KCMF1: variants seen among roughly 807,000 people sequenced by gnomAD.
KCMF1 encodes potassium channel modulatory factor 1.
Under a neutral mutation model 41.1 loss-of-function variants are expected in KCMF1, and 3 were observed. The observed-to-expected ratio is 0.07, with a 90% CI of 0.03 to 0.19. KCMF1 has a LOEUF of 0.19. Ranked by LOEUF, KCMF1 falls within the 10% of genes least tolerant of loss-of-function variation. The probability of loss-of-function intolerance (pLI) is 1.00; values close to 1 mark genes in which losing one functional copy is unlikely to be tolerated. For synonymous variants in KCMF1, 142 were observed against 164.5 expected (o/e 0.86, Z 1.04); for missense variants, 286 against 488.9 (o/e 0.58, Z 3.91).
intron 1 of KCMF1, among the ~76,000 whole-genome samples, chr2:85,014,627 A>T (rs1471847416): frequency 6.6e-6 from 1 of 150,908 alleles, no homozygotes; most frequent in Non-Finnish European, 1.5e-5. Flanking sequence ...GAATTTTCAA[A>T]ACAGAGCAGT....
At chr2:84,980,036 T>A (rs561582249) in intron 1 of KCMF1, among the ~76,000 whole-genome samples, 1 of 151,916 alleles carries the variant, frequency 6.6e-6, no homozygotes, top group Non-Finnish European at 1.5e-5. Flanking sequence ...TTTCTCCATG[T>A]TGGTCAGGCT....
chr2:85,032,119 A>C (rs998964075), intron 2 of KCMF1, among the ~76,000 whole-genome samples: 1 of 151,886 alleles, frequency 6.6e-6, no homozygotes, highest in Non-Finnish European at 1.5e-5. Flanking sequence ...CTCATATCCT[A>C]CAGTGTTACT....
intron 2 of KCMF1, among the ~76,000 whole-genome samples, chr2:85,029,179 C>T (rs904136644): frequency 2.8e-5 from 4 of 144,852 alleles, no homozygotes; most frequent in African/African-American, 1.1e-4. Flanking sequence ...ACTATGTTGG[C>T]CAGGCTGGTC....
At position 85,046,179 on chromosome 2, in the gene KCMF1, A is replaced by C; in HGVS notation, c.502A>C (p.Arg168=). The part of the protein sequence containing the change: ...GRGLGGPRAR[R]SNMHFTSSST... ...GGGATTAGGAGGTCCTCGTGCTCGT[A>C]GATCAAACATGCACTTTACTAGCAG... The change falls in exon 5 of 7, where the codon AGA becomes CGA. Residue 168 remains arginine (R), a synonymous_variant. Coordinates refer to ENST00000409785, the MANE Select transcript of KCMF1 (RefSeq NM_020122.5). 1 of 1,613,474 alleles carries C rather than the reference A, an allele frequency of 6.2e-7. No homozygotes were observed. The highest frequency in any genetic ancestry group is 8.5e-7 in the Non-Finnish European group (1 of 1,179,588).
intron 1 of KCMF1, among the ~76,000 whole-genome samples, chr2:85,023,410 C>T (rs1675001626): frequency 6.6e-6 from 1 of 151,424 alleles, no homozygotes; most frequent in Admixed American, 6.6e-5. Flanking sequence ...GCTCCGCCTC[C>T]TGGGTTCACG....
At chr2:84,995,436 A>C (rs1305370630) in intron 1 of KCMF1, among the ~76,000 whole-genome samples, 1 of 152,154 alleles carries the variant, frequency 6.6e-6, no homozygotes, top group Non-Finnish European at 1.5e-5. Flanking sequence ...TAGGTGCCGA[A>C]TATGTTTTTA....
chr2:85,017,086 G>A (rs1401188920), intron 1 of KCMF1, among the ~76,000 whole-genome samples: 2 of 145,280 alleles, frequency 1.4e-5, no homozygotes, highest in Non-Finnish European at 3.0e-5. Flanking sequence ...CTGCAGTGGC[G>A]CAATCTCGGC....
intron 1 of KCMF1, among the ~76,000 whole-genome samples, chr2:85,008,256 TATATATC>T (rs1319273785): frequency 4.1e-4 from 39 of 94,214 alleles, no homozygotes; most frequent in African/African-American, 9.9e-4. Context: ...TGATATATAT[TATATATC>T]ATATATAATA....
At chr2:85,036,294 A>G (rs1023768847) in intron 3 of KCMF1, among the ~76,000 whole-genome samples, 1 of 152,152 alleles carries the variant, frequency 6.6e-6, no homozygotes, top group Non-Finnish European at 1.5e-5. Flanking sequence ...TTTTATTACT[A>G]TTCTTAGTTT....
chr2:85,008,370 C>CATATATAATAT (rs1491352581), intron 1 of KCMF1, among the ~76,000 whole-genome samples: 6 of 8,464 alleles, frequency 7.1e-4, no homozygotes, highest in African/African-American at 1.2e-3. Flanking sequence ...TATTATATAT[C>CATATATAATAT]ATATGATATA....
At chr2:85,052,643 T>G (rs1558589081) in intron 6 of KCMF1, among the ~76,000 whole-genome samples, 2 of 152,210 alleles carry the variant, frequency 1.3e-5, no homozygotes, top group Non-Finnish European at 2.9e-5. Context: ...GTATGTGTTT[T>G]CTTGCCCTTT....
intron 1 of KCMF1, among the ~76,000 whole-genome samples, chr2:85,015,059 T>C (rs1674737947): frequency 6.7e-6 from 1 of 149,894 alleles, no homozygotes; most frequent in Non-Finnish European, 1.5e-5. Flanking sequence ...GTAATTCTTC[T>C]GTCAAGAAGT....
At chr2:84,978,198 T>C (rs190824320) in intron 1 of KCMF1, among the ~76,000 whole-genome samples, 48 of 152,140 alleles carry the variant, frequency 3.2e-4, no homozygotes, top group Admixed American at 1.2e-3. Context: ...GGTTTCTCCA[T>C]GTTAGTCAGG....
chr2:84,987,417 G>A (rs951951840), intron 1 of KCMF1, among the ~76,000 whole-genome samples: 3 of 152,158 alleles, frequency 2.0e-5, no homozygotes, highest in African/African-American at 4.8e-5. Context: ...TTAGTCAATC[G>A]TCACAGGAAC....
At position 85,057,595 on chromosome 2, in the gene KCMF1, TA is replaced by T. The variant is rs1257683500; in HGVS notation, c.*4191del. On this transcript the variant is annotated 3_prime_UTR_variant, in exon 7 of 7. Transcript: ENST00000409785. ...CAAGTGACTGTTTTTCTGAATAGTATAAAAATCTAATTCCCTGTGCTTATCG... is the reference window on the plus strand; with the variant it reads ...CAAGTGACTGTTTTTCTGAATAGTATAAAATCTAATTCCCTGTGCTTATCG... 3 of 152,236 alleles carry T rather than the reference TA, an allele frequency of 2.0e-5. No individual in the cohort carries two copies. The highest frequency in any genetic ancestry group is 7.2e-5 in the African/African-American group (3 of 41,452). The allele number at this position is 152,236 out of a possible 1,614,324, so 9.4% of individuals were successfully genotyped here. A position where few individuals can be genotyped will look rare whatever the true frequency, so the allele number is the denominator to read the frequency against.
At chr2:84,983,495 T>G (rs2103968784) in intron 1 of KCMF1, among the ~76,000 whole-genome samples, 1 of 151,940 alleles carries the variant, frequency 6.6e-6, no homozygotes, top group South Asian at 2.1e-4. Flanking sequence ...CCTGGCTAAC[T>G]TTTGTTTTGT....
chr2:84,998,956 A>G (rs140602299), intron 1 of KCMF1, among the ~76,000 whole-genome samples: 2 of 106,964 alleles, frequency 1.9e-5, no homozygotes, highest in Non-Finnish European at 3.9e-5. Context: ...CTATCTATCT[A>G]TCTATCTATC....
At chr2:84,995,370 A>C (rs571093783) in intron 1 of KCMF1, among the ~76,000 whole-genome samples, 12 of 152,306 alleles carry the variant, frequency 7.9e-5, no homozygotes, top group Non-Finnish European at 1.8e-4. Context: ...TCAGAGTTTC[A>C]GGGTATCAGT....
intron 1 of KCMF1, among the ~76,000 whole-genome samples, chr2:84,974,544 T>C (rs1673483332): frequency 6.6e-6 from 1 of 150,830 alleles, no homozygotes; most frequent in Non-Finnish European, 1.5e-5. Context: ...TGGCAAACAT[T>C]GCAGGCTTGG....
Sources: gnomAD v4.1 joint callset for allele counts (sites outside exome capture counted in the v4.1 genomes callset) on GRCh38, gnomAD v4.1.1 for gene constraint, MANE v1.5 for transcripts, NCBI Gene and HGNC (gene_info 2026-07-23, HGNC 2026-07-21) for gene names.